GPRC6A: variants seen among roughly 807,000 people sequenced by gnomAD.
GPRC6A encodes the protein G protein-coupled receptor family C group 6 member A.
A neutral mutation model predicts 47.0 loss-of-function variants in GPRC6A; 54 were observed. The observed-to-expected ratio is 1.15, with a 90% CI of 0.92 to 1.44. The LOEUF (loss-of-function observed/expected upper bound fraction) is 1.44. Among genes scored for constraint, GPRC6A ranks in the 40% most tolerant of loss-of-function variants. The pLI is 0.00. For synonymous variants in GPRC6A, 347 were observed against 377.1 expected (o/e 0.92, Z 0.93); for missense variants, 1,112 against 1,105.5 (o/e 1.01, Z -0.08).
chr6:116,801,310 C>A (rs941041260), intron 3 of GPRC6A, among the ~76,000 whole-genome samples: 5 of 152,128 alleles, frequency 3.3e-5, no homozygotes, highest in Non-Finnish European at 5.9e-5. Flanking sequence ...ACCTGTCTTG[C>A]TACCTAATTT....
At chr6:116,828,197 A>G (rs1290993994) in intron 1 of GPRC6A, among the ~76,000 whole-genome samples, 1 of 152,128 alleles carries the variant, frequency 6.6e-6, no homozygotes, top group African/African-American at 2.4e-5. Flanking sequence ...CTTAAGGAAA[A>G]TCCATTTGCA....
In GPRC6A at chr6:116,793,259, CAG is replaced by C. The variant is rs1562477319; in HGVS notation, c.1673-11_1673-10del. 1 of 1,562,370 alleles carries C rather than the reference CAG, an allele frequency of 6.4e-7. No homozygotes were observed. The highest frequency in any genetic ancestry group is 8.6e-7 in the Non-Finnish European group (1 of 1,156,386). ...AAGGCAGTGAGGCATATCTAAAAGACAGAGGAGACGCAGTTACATTGTCAACA... is the reference window on the plus strand; with the variant it reads ...AAGGCAGTGAGGCATATCTAAAAGACAGGAGACGCAGTTACATTGTCAACA... On this transcript the variant is annotated splice_polypyrimidine_tract_variant and intron_variant, in intron 5 of 5. Transcript: ENST00000310357.
intron 3 of GPRC6A, among the ~76,000 whole-genome samples, chr6:116,806,077 A>G (rs1410219618): frequency 6.6e-6 from 1 of 152,114 alleles, no homozygotes. Context: ...GAGCATTTAA[A>G]AGCGATAATT....
chr6:116,806,495 A>G lies in GPRC6A; in HGVS notation c.1210T>C (p.Trp404Arg), dbSNP rs760888235. 1.2e-6 allele frequency: 2 copies of G among 1,613,594 alleles called. No individual in the cohort carries two copies. The highest frequency in any genetic ancestry group is 2.2e-5 in the South Asian group (2 of 91,076). ...RNFVMRNDFL[W>R]DYAEPGLIHS... ...ATGAGTCCTGGCTCAGCATAGTCCC[A>G]GAGGAAGTCATTTCTCATGACGAAG... is the stretch of plus-strand genomic sequence containing the variant. The change falls in exon 3 of 6, where the codon TGG becomes CGG. Residue 404 changes from tryptophan to arginine, a missense_variant. By Grantham distance (101) the Trp-to-Arg change is moderately radical (BLOSUM62 -3). Coordinates refer to ENST00000310357, the MANE Select transcript of GPRC6A (RefSeq NM_148963.4).
At chr6:116,814,300 C>A (rs1257380403) in intron 1 of GPRC6A, among the ~76,000 whole-genome samples, 1 of 152,176 alleles carries the variant, frequency 6.6e-6, no homozygotes, top group Non-Finnish European at 1.5e-5. Flanking sequence ...AAGACACATG[C>A]ACACATATGT....
At chr6:116,825,031 A>G (rs1220081035) in intron 1 of GPRC6A, among the ~76,000 whole-genome samples, 2 of 152,004 alleles carry the variant, frequency 1.3e-5, no homozygotes, top group Admixed American at 1.3e-4. Context: ...TTGATAAAAT[A>G]CAACACCTTT....
rs746799256 is a variant in GPRC6A, at chr6:116,793,094, A to G, written c.1829T>C (p.Val610Ala). The change falls in exon 6 of 6, where the codon GTT becomes GCT. Residue 610 changes from valine (V) to alanine (A), a missense_variant. Transcript: ENST00000310357. ...LSLLGIIFVL[V>A]VGIIFTRNLN... ...GTTTCTTGTAAATATTATGCCAACA[A>G]CCAGAACAAATATGATTCCCAGTAG... 2 of 1,613,914 alleles carry G rather than the reference A, an allele frequency of 1.2e-6. No individual in the cohort carries two copies. The highest frequency in any genetic ancestry group is 1.3e-5 in the African/African-American group (1 of 74,920).
intron 1 of GPRC6A, among the ~76,000 whole-genome samples, chr6:116,824,766 A>C (rs2114626620): frequency 6.6e-6 from 1 of 152,190 alleles, no homozygotes; most frequent in East Asian, 1.9e-4. Context: ...CCCTAATGCC[A>C]AAACCAGATA....
At chr6:116,824,901 G>A (rs376766898) in intron 1 of GPRC6A, among the ~76,000 whole-genome samples, 3 of 152,142 alleles carry the variant, frequency 2.0e-5, no homozygotes. Context: ...CCATGATTAA[G>A]TGTAATATCA....
At position 116,792,986 on chromosome 6, in the gene GPRC6A, C is replaced by A; in HGVS notation, c.1937G>T (p.Ser646Ile). ...TGGTTCTCCAATGAAAAAGCTCGTGCTGGCAAAATTGAGGAAATGACAGAG... is the reference window on the plus strand; with the variant it reads ...TGGTTCTCCAATGAAAAAGCTCGTGATGGCAAAATTGAGGAAATGACAGAG... ...ILLCHFLNFASTSFFIGEPQD... is the reference protein window; with the variant it reads ...ILLCHFLNFAITSFFIGEPQD... The change falls in exon 6 of 6, where the codon AGC becomes ATC. Residue 646 changes from serine to isoleucine, a missense_variant. Physicochemically the swap from Ser to Ile is moderately radical, Grantham distance 142. Transcript: ENST00000310357. 1 of 1,614,070 alleles carries A rather than the reference C, an allele frequency of 6.2e-7. No individual in the cohort carries two copies. Among genetic ancestry groups the A allele is most frequent in the East Asian group, 2.2e-5 (1 of 44,882 alleles).
intron 1 of GPRC6A, among the ~76,000 whole-genome samples, chr6:116,812,337 G>A (rs1773053812): frequency 6.6e-6 from 1 of 152,144 alleles, no homozygotes; most frequent in Admixed American, 6.6e-5. Flanking sequence ...AGGGAATTCA[G>A]CACCACTAGA....
chr6:116,815,490 G>A (rs76027029), intron 1 of GPRC6A, among the ~76,000 whole-genome samples: 360 of 152,108 alleles, frequency 2.4e-3, no homozygotes, highest in Non-Finnish European at 3.1e-3. Flanking sequence ...CTCAAGAAAA[G>A]GACTTAAATT....
intron 1 of GPRC6A, among the ~76,000 whole-genome samples, chr6:116,819,864 A>G (rs936940411): frequency 8.6e-5 from 13 of 150,450 alleles, no homozygotes; most frequent in African/African-American, 3.2e-4. Context: ...AAATCAGAGC[A>G]GAACTGAAGG....
intron 1 of GPRC6A, among the ~76,000 whole-genome samples, chr6:116,817,638 A>AG (rs544305776): frequency 1.2e-3 from 188 of 152,238 alleles, no homozygotes; most frequent in African/African-American, 3.5e-3. Flanking sequence ...TTTGAAAAAA[A>AG]TTTAGACAAA....
In GPRC6A at chr6:116,792,606, C is replaced by T; in HGVS notation, c.2317G>A (p.Gly773Ser). ...AFICFIFAFK[G>S]KYENYNEAKF... ...GCTTCATTGTAATTCTCATATTTGC[C>T]TTTGAAAGCAAATATGAAGCAAATG... The change falls in exon 6 of 6, where the codon GGC becomes AGC. Residue 773 changes from glycine to serine, a missense_variant. Transcript: ENST00000310357. 7 of 1,497,010 alleles carry T rather than the reference C, an allele frequency of 4.7e-6. No individual in the cohort carries two copies. The highest frequency in any genetic ancestry group is 1.1e-5 in the South Asian group (1 of 87,702). 92.7% of individuals were successfully genotyped at this position (1,497,010 alleles called of 1,614,324 possible).
At chr6:116,809,279 T>A in intron 2 of GPRC6A, 35 bp downstream of exon 2, 1 of 1,554,110 alleles carries the variant, frequency 6.4e-7, no homozygotes, top group Non-Finnish European at 8.8e-7. Flanking sequence ...ACAAATGTGA[T>A]CAAAAGCAAT....
At chr6:116,816,124 A>G (rs1773197431) in intron 1 of GPRC6A, among the ~76,000 whole-genome samples, 1 of 152,242 alleles carries the variant, frequency 6.6e-6, no homozygotes, top group African/African-American at 2.4e-5. Flanking sequence ...TCCTTCTCAC[A>G]TTGCAGAATA....
At chr6:116,817,543 C>T (rs530604492) in intron 1 of GPRC6A, among the ~76,000 whole-genome samples, 8 of 152,278 alleles carry the variant, frequency 5.3e-5, no homozygotes, top group Non-Finnish European at 8.8e-5. Context: ...TGGAGAATGA[C>T]GAGCTGAGAG....
At chr6:116,823,674 A>G (rs1451420670) in intron 1 of GPRC6A, among the ~76,000 whole-genome samples, 1 of 152,138 alleles carries the variant, frequency 6.6e-6, no homozygotes, top group Admixed American at 6.6e-5. Flanking sequence ...CTTGCATTGA[A>G]TAAAAAATAC....
Sources: allele counts gnomAD v4.1 joint callset (sites outside exome capture counted in the v4.1 genomes callset), GRCh38; gene constraint gnomAD v4.1.1; transcripts MANE v1.5; gene names NCBI Gene and HGNC (gene_info 2026-07-23, HGNC 2026-07-21).